The following IL2RA variants were observed in gnomAD, a reference collection of about 807,000 sequenced individuals.
IL2RA encodes the protein interleukin-2 receptor subunit alpha.
Under a neutral mutation model 37.8 loss-of-function variants are expected in IL2RA, and 24 were observed. The observed-to-expected ratio is 0.63, with a 90% CI of 0.46 to 0.89. The LOEUF is 0.89. Ranked by LOEUF, IL2RA falls within the 40% of genes least tolerant of loss-of-function variation. IL2RA has a pLI of 0.00. For synonymous variants in IL2RA, 125 were observed against 114.6 expected (o/e 1.09, Z -0.58); for missense variants, 319 against 348.6 (o/e 0.92, Z 0.68).
chr10:6,030,682 C>T (rs937946011), intron 1 of IL2RA, among the ~76,000 whole-genome samples: 7 of 152,038 alleles, frequency 4.6e-5, no homozygotes, highest in African/African-American at 1.4e-4. Flanking sequence ...AAACATAAAT[C>T]GACATGAAGT....
Position 6,054,411 on chromosome 10 carries a change from C to T in IL2RA, c.64+7677G>A, listed in dbSNP as rs1216821067. Among the ~76,000 whole-genome samples the T allele has an allele frequency of 1.3e-5, 2 of 152,106 alleles. No homozygotes were observed. Among genetic ancestry groups the T allele is most frequent in the African/African-American group, 2.4e-5 (1 of 41,418 alleles). The stretch of plus-strand genomic sequence containing the variant: ...TGACCCATTGAACCGAGGACGTCTA[C>T]CGGGGACCAATGACACCTGTAGACA... On this transcript the variant is annotated intron_variant, in intron 1 of 7. Transcript: ENST00000379959. The surrounding 1 kb of genome is among the most constrained non-coding windows in gnomAD (Gnocchi z 4.5).
At position 6,057,999 on chromosome 10, in the gene IL2RA, G is replaced by T. The variant is rs1302595882; in HGVS notation, c.64+4089C>A. Among the ~76,000 whole-genome samples the T allele has an allele frequency of 1.3e-5, 2 of 152,134 alleles. No homozygotes were observed. The highest frequency in any genetic ancestry group is 4.8e-5 in the African/African-American group (2 of 41,436). ...AAATTAGCCAGGCGTGGTGGCAGGTGCCTGTAATCCCAGCTACTTGGGGAG... is the reference window on the plus strand; with the variant it reads ...AAATTAGCCAGGCGTGGTGGCAGGTTCCTGTAATCCCAGCTACTTGGGGAG... On this transcript the variant is annotated intron_variant, in intron 1 of 7. Transcript: ENST00000379959. The surrounding 1 kb of genome is among the most constrained non-coding windows in gnomAD (Gnocchi z 4.8).
At chr10:6,030,316 G>A (rs371874453) in intron 1 of IL2RA, among the ~76,000 whole-genome samples, 54 of 152,212 alleles carry the variant, frequency 3.5e-4, no homozygotes, top group Admixed American at 1.1e-3. Context: ...AGCAAGATAC[G>A]TATAAAGAAA....
rs894484250 is a variant in IL2RA, at chr10:6,015,587, T to G, written c.794+2466A>C. Among the ~76,000 whole-genome samples, 2 of 152,222 alleles carry G rather than the reference T, an allele frequency of 1.3e-5. No individual in the cohort carries two copies. Among genetic ancestry groups the G allele is most frequent in the Non-Finnish European group, 2.9e-5 (2 of 68,032 alleles). On this transcript the variant is annotated intron_variant, in intron 7 of 7. Transcript: ENST00000379959. The surrounding 1 kb of genome is among the most constrained non-coding windows in gnomAD (Gnocchi z 4.9). ...GCCTCCAGATGATTCTTTCAACAAA[T>G]GTTTTTAAGTTGACACATAATAGTT...
intron 1 of IL2RA, among the ~76,000 whole-genome samples, chr10:6,053,946 G>A (rs1840004322): frequency 1.3e-5 from 2 of 152,254 alleles, no homozygotes; most frequent in Non-Finnish European, 2.9e-5. Flanking sequence ...ACATGGGCCA[G>A]CGAGCTCATC....
At chr10:6,030,939 T>G (rs981934209) in intron 1 of IL2RA, among the ~76,000 whole-genome samples, 4 of 152,104 alleles carry the variant, frequency 2.6e-5, no homozygotes, top group African/African-American at 9.7e-5. Context: ...AGTTAAGGAT[T>G]CATGCTGAAT....
intron 1 of IL2RA, among the ~76,000 whole-genome samples, chr10:6,041,451 A>G (rs745447997): frequency 5.3e-5 from 8 of 152,204 alleles, no homozygotes; most frequent in Non-Finnish European, 8.8e-5. Flanking sequence ...ATTAAAACAT[A>G]TAATACACAA....
intron 2 of IL2RA, among the ~76,000 whole-genome samples, chr10:6,024,777 G>T (rs375665118): frequency 3.5e-4 from 54 of 152,324 alleles, no homozygotes; most frequent in Admixed American, 1.1e-3. Context: ...CTGATCCTTT[G>T]CTCCCTAAGG....
Position 6,028,452 on chromosome 10 carries a change from A to G in IL2RA, c.65-2427T>C, listed in dbSNP as rs1031318153. Among the ~76,000 whole-genome samples, 2 of 152,224 alleles carry G rather than the reference A, an allele frequency of 1.3e-5. No individual in the cohort carries two copies. The highest frequency in any genetic ancestry group is 4.8e-5 in the African/African-American group (2 of 41,454). On this transcript the variant is annotated intron_variant, in intron 1 of 7. Transcript: ENST00000379959. The surrounding 1 kb of genome is among the most constrained non-coding windows in gnomAD (Gnocchi z 4.1). Reference sequence around the variant, plus strand: ...CTGCTTTAGAGAAAGAGGCATCCCTAGGATGAATTTCAAAACCAAAATAGA... The same window carrying G: ...CTGCTTTAGAGAAAGAGGCATCCCTGGGATGAATTTCAAAACCAAAATAGA...
chr10:6,053,640 A>G (rs1034357668), intron 1 of IL2RA, among the ~76,000 whole-genome samples: 1 of 152,280 alleles, frequency 6.6e-6, no homozygotes, highest in Non-Finnish European at 1.5e-5. Context: ...GGCTTTCACA[A>G]ACTTCCTTAT....
Position 6,021,186 on chromosome 10 carries a change from A to G in IL2RA, c.583+292T>C, listed in dbSNP as rs1414529178. Reference sequence around the variant, plus strand: ...AGAAGTAGTGGACTTAGGACCAACTACGAGGCAGCATCTAGGGTGCTTAGG... The same window carrying G: ...AGAAGTAGTGGACTTAGGACCAACTGCGAGGCAGCATCTAGGGTGCTTAGG... On this transcript the variant is annotated intron_variant, in intron 4 of 7. Coordinates refer to ENST00000379959, the MANE Select transcript of IL2RA (RefSeq NM_000417.3). The surrounding 1 kb of genome is among the most constrained non-coding windows in gnomAD (Gnocchi z 4.9). Among the ~76,000 whole-genome samples the G allele has an allele frequency of 1.3e-5, 2 of 152,114 alleles. No homozygotes were observed. The highest frequency in any genetic ancestry group is 2.9e-5 in the Non-Finnish European group (2 of 68,012).
chr10:6,031,182 G>T (rs1257059746), intron 1 of IL2RA, among the ~76,000 whole-genome samples: 1 of 151,434 alleles, frequency 6.6e-6, no homozygotes, highest in East Asian at 1.9e-4. Context: ...CTTTCAGACT[G>T]GATTAAACAG....
intron 1 of IL2RA, among the ~76,000 whole-genome samples, chr10:6,041,407 G>T (rs1039827439): frequency 6.6e-6 from 1 of 152,054 alleles, no homozygotes; most frequent in Non-Finnish European, 1.5e-5. Flanking sequence ...GAGCCACTGC[G>T]CCCGGCCAAT....
At chr10:6,031,051 T>A (rs1284300395) in intron 1 of IL2RA, among the ~76,000 whole-genome samples, 1 of 151,040 alleles carries the variant, frequency 6.6e-6, no homozygotes, top group African/African-American at 2.4e-5. Flanking sequence ...AAGAATAGAG[T>A]AATAAAAATA....
chr10:6,019,114 A>G (rs1839331797), intron 6 of IL2RA, among the ~76,000 whole-genome samples: 1 of 151,652 alleles, frequency 6.6e-6, no homozygotes. Context: ...CAACCAACCT[A>G]TCAACTTGCC....
rs1343009057 is a variant in IL2RA, at chr10:6,014,500, A to G, written c.795-1604T>C. Among the ~76,000 whole-genome samples the G allele has an allele frequency of 1.3e-5, 2 of 152,230 alleles. No individual in the cohort carries two copies. The highest frequency in any genetic ancestry group is 1.9e-4 in the East Asian group (1 of 5,192). On this transcript the variant is annotated intron_variant, in intron 7 of 7. Coordinates refer to ENST00000379959, the MANE Select transcript of IL2RA (RefSeq NM_000417.3). This position sits in a 1 kb window ranked among gnomAD's most constrained non-coding sequence, Gnocchi z 4.4. ...TTCACACAGTTATTTGTTTCACAAC[A>G]TAAACACTGAACCATTCCTACTTCC...
chr10:6,020,811 G>A lies in IL2RA; in HGVS notation c.583+667C>T, dbSNP rs983108590. Among the ~76,000 whole-genome samples, 6 of 152,300 alleles carry A rather than the reference G, an allele frequency of 3.9e-5. No individual in the cohort carries two copies. Among genetic ancestry groups the A allele is most frequent in the African/African-American group, 1.4e-4 (6 of 41,546 alleles). On this transcript the variant is annotated intron_variant, in intron 4 of 7. Transcript: ENST00000379959. The surrounding 1 kb of genome is among the most constrained non-coding windows in gnomAD (Gnocchi z 5.6). ...GCCTCCCAGAGTGCTGGGATTACAG[G>A]TGTGAGCCACTGTGCCCAGCCTGCA...
Position 6,029,001 on chromosome 10 carries a change from A to C in IL2RA, c.65-2976T>G, listed in dbSNP as rs1052620070. ...GTGAGAGTCTGTCTCAAAAAAAAAA[A>C]AAAAAGACCCCTAAAATGACCTAGA... On this transcript the variant is annotated intron_variant, in intron 1 of 7. Coordinates refer to ENST00000379959, the MANE Select transcript of IL2RA (RefSeq NM_000417.3). This position sits in a 1 kb window ranked among gnomAD's most constrained non-coding sequence, Gnocchi z 4.6. Among the ~76,000 whole-genome samples, 92 of 152,064 alleles carry C rather than the reference A, an allele frequency of 6.1e-4. No individual in the cohort carries two copies. The highest frequency in any genetic ancestry group is 1.2e-3 in the Non-Finnish European group (79 of 67,968).
Position 6,035,243 on chromosome 10 carries a change from G to A in IL2RA, c.65-9218C>T, listed in dbSNP as rs189210745. Among the ~76,000 whole-genome samples, 2 of 152,326 alleles carry A rather than the reference G, an allele frequency of 1.3e-5. No homozygotes were observed. Among genetic ancestry groups the A allele is most frequent in the East Asian group, 1.9e-4 (1 of 5,182 alleles). The stretch of plus-strand genomic sequence containing the variant: ...TTGAATGGGACCCTGAGAGAGCCAG[G>A]GGTTCCTTGGGCCCCCGCTAGGGGA... On this transcript the variant is annotated intron_variant, in intron 1 of 7. Coordinates refer to ENST00000379959, the MANE Select transcript of IL2RA (RefSeq NM_000417.3). The surrounding 1 kb of genome is among the most constrained non-coding windows in gnomAD (Gnocchi z 5.4).
Sources: gnomAD v4.1 joint callset for allele counts (sites outside exome capture counted in the v4.1 genomes callset) on GRCh38, gnomAD v4.1.1 for gene constraint, Gnocchi (gnomAD v3.1) non-coding constraint, MANE v1.5 for transcripts, NCBI Gene and HGNC (gene_info 2026-07-23, HGNC 2026-07-21) for gene names.